The following TESK1 variants were observed in gnomAD, a reference collection of about 807,000 sequenced individuals.
TESK1 encodes the protein dual specificity testis-specific protein kinase 1.
Under a neutral mutation model 59.9 loss-of-function variants are expected in TESK1, and 18 were observed. The observed-to-expected ratio is 0.30, with a 90% CI of 0.21 to 0.45. TESK1 has a LOEUF of 0.45. TESK1 is among the 20% of genes least tolerant of loss of function. The probability of loss-of-function intolerance (pLI) is 1.00; values close to 1 mark genes in which losing one functional copy is unlikely to be tolerated. For synonymous variants in TESK1, 341 were observed against 357.4 expected (o/e 0.95, Z 0.52); for missense variants, 748 against 840.9 (o/e 0.89, Z 1.37).
chr9:35,607,080 A>G lies in TESK1; in HGVS notation c.537+97A>G. On this transcript the variant is annotated intron_variant, in intron 4 of 9. Transcript: ENST00000336395. This position sits in a 1 kb window ranked among gnomAD's most constrained non-coding sequence, Gnocchi z 4.5. ...TTGGAATATGGATAACAGATATATTAGGATGTTGGAGTGGCAAGGCATTGG... is the reference window on the plus strand; with the variant it reads ...TTGGAATATGGATAACAGATATATTGGGATGTTGGAGTGGCAAGGCATTGG... 1.4e-6 allele frequency: 2 copies of G among 1,448,244 alleles called. No homozygotes were observed. Among genetic ancestry groups the G allele is most frequent in the Non-Finnish European group, 1.8e-6 (2 of 1,087,098 alleles). 89.7% of individuals were successfully genotyped at this position (1,448,244 alleles called of 1,614,324 possible).
intron 3 of TESK1, 104 bp downstream of exon 3, chr9:35,606,389 A>G (rs1232445150): frequency 5.8e-6 from 8 of 1,388,494 alleles, no homozygotes; most frequent in Non-Finnish European, 2.0e-6. Context: ...GAGAGGCAAC[A>G]GGATCTCCTC....
chr9:35,607,951 T>C lies in TESK1; in HGVS notation c.735T>C (p.Ile245=). ...AGGCTGATGTCTTTGCCTTCGGGAT[T>C]GTCCTCTGTGAGCTCATCGCCCGAG... ...DEKADVFAFG[I]VLCELIARVP... is the part of the protein sequence containing the mutation. The change falls in exon 7 of 10, where the codon ATT becomes ATC. Residue 245 remains isoleucine, a synonymous_variant. Transcript: ENST00000336395. The surrounding 1 kb of genome is among the most constrained non-coding windows in gnomAD (Gnocchi z 4.5). 1 of 1,614,228 alleles carries C rather than the reference T, an allele frequency of 6.2e-7. No individual in the cohort carries two copies. The highest frequency in any genetic ancestry group is 1.3e-5 in the African/African-American group (1 of 75,060).
At chr9:35,608,106 A>C in intron 7 of TESK1, 54 bp from the exon 8 acceptor site, 1 of 1,610,188 alleles carries the variant, frequency 6.2e-7, no homozygotes, top group Non-Finnish European at 8.5e-7. Context: ...ACTGGGGAGC[A>C]GAAGGAGAAC....
Position 35,606,941 on chromosome 9 carries a change from C to T in TESK1, c.495C>T (p.Tyr165=), listed in dbSNP as rs1218104483. 14 of 1,612,672 alleles carry T rather than the reference C, an allele frequency of 8.7e-6. No individual in the cohort carries two copies. The highest frequency in any genetic ancestry group is 3.3e-5 in the South Asian group (3 of 90,976). The change falls in exon 4 of 10, where the codon TAC becomes TAT. Residue 165 remains tyrosine, a synonymous_variant. Coordinates refer to ENST00000336395, the MANE Select transcript of TESK1 (RefSeq NM_006285.3). ...TGGACATTGCCCGAGGCCTGCGGTA[C>T]CTGCACTCCAAAGGTGTATTTCACC... ...LALDIARGLR[Y]LHSKGVFHRD...
At position 35,608,386 on chromosome 9, in the gene TESK1, A is replaced by C. The variant is rs778371544; in HGVS notation, c.886-9A>C. 1 of 1,613,408 alleles carries C rather than the reference A, an allele frequency of 6.2e-7. No individual in the cohort carries two copies. The highest frequency in any genetic ancestry group is 8.5e-7 in the Non-Finnish European group (1 of 1,179,504). On this transcript the variant is annotated splice_polypyrimidine_tract_variant and intron_variant, in intron 8 of 9. Coordinates refer to ENST00000336395, the MANE Select transcript of TESK1 (RefSeq NM_006285.3). ...ACTGAGTGAAGCCGTTCCTGTCTCT[A>C]CCCATCAGCTGGAACCCAGCACCCG...
rs1234111433 is a variant in TESK1, at chr9:35,609,122, A to C, written c.1261A>C (p.Thr421Pro). ...ATCCACTCAGCTGCCCTTGGTGACC[A>C]CTCCGGAGACCCTGGTCCAGCCTGG... ...FPSTQLPLVT[T>P]PETLVQPGTP... Residue 421 changes from threonine to proline, a missense_variant, in exon 10 of 10, where the codon ACT becomes CCT. Around this residue, in one of 3 missense-constraint regions of TESK1, gnomAD observed 447 missense variants for 466.1 expected, o/e 0.96. Transcript: ENST00000336395. The surrounding 1 kb of genome is among the most constrained non-coding windows in gnomAD (Gnocchi z 6.7). 1.2e-6 allele frequency: 2 copies of C among 1,613,468 alleles called. No homozygotes were observed. Among genetic ancestry groups the C allele is most frequent in the South Asian group, 2.2e-5 (2 of 91,066 alleles).
In TESK1 at chr9:35,607,241, G is replaced by A. The variant is rs878930124; in HGVS notation, c.538-86G>A. 2.0e-6 allele frequency: 3 copies of A among 1,529,886 alleles called. No homozygotes were observed. The highest frequency in any genetic ancestry group is 2.2e-5 in the South Asian group (2 of 89,440). 94.8% of individuals were successfully genotyped at this position (1,529,886 alleles called of 1,614,324 possible). On this transcript the variant is annotated intron_variant, in intron 4 of 9. Coordinates refer to ENST00000336395, the MANE Select transcript of TESK1 (RefSeq NM_006285.3). The surrounding 1 kb of genome is among the most constrained non-coding windows in gnomAD (Gnocchi z 4.5). The stretch of plus-strand genomic sequence containing the variant: ...AGCAGAGAGGGTTGGAGTTATGCTG[G>A]AGTGACAGGGCTTTGGGTTATACAT...
rs1822887919 is a variant in TESK1, at chr9:35,608,219, T to A, written c.855T>A (p.Pro285=). ...TGGTGGGGGATGACTGCCCACTGCC[T>A]TTCTTGCTCCTGGCCATCCACTGCT... The part of the protein sequence containing the change: ...RTLVGDDCPL[P]FLLLAIHCCN... Residue 285 remains proline (P), a synonymous_variant, in exon 8 of 10, where the codon CCT becomes CCA. Transcript: ENST00000336395. 6.2e-7 allele frequency: 1 copy of A among 1,614,076 alleles called. No homozygotes were observed. The highest frequency in any genetic ancestry group is 1.3e-5 in the African/African-American group (1 of 74,926).
In TESK1 at chr9:35,607,919, G is replaced by C. The variant is rs774465807; in HGVS notation, c.712-9G>C. 3 of 1,613,488 alleles carry C rather than the reference G, an allele frequency of 1.9e-6. No homozygotes were observed. Among genetic ancestry groups the C allele is most frequent in the African/African-American group, 2.7e-5 (2 of 74,990 alleles). ...ATTCTTCCCCGACACTATTATCTCT[G>C]ACCCCCAGGCTGATGTCTTTGCCTT... On this transcript the variant is annotated splice_polypyrimidine_tract_variant and intron_variant, in intron 6 of 9. Coordinates refer to ENST00000336395, the MANE Select transcript of TESK1 (RefSeq NM_006285.3). This position sits in a 1 kb window ranked among gnomAD's most constrained non-coding sequence, Gnocchi z 4.5.
In TESK1 at chr9:35,607,288, G is replaced by A; in HGVS notation, c.538-39G>A. 6.8e-6 allele frequency: 11 copies of A among 1,611,372 alleles called. No individual in the cohort carries two copies. The highest frequency in any genetic ancestry group is 1.1e-5 in the South Asian group (1 of 91,040). ...ACATTGGGAGGCCAGACAGCAGAAG[G>A]TGATGAGTGCGTGGGGATACTATGT... is the stretch of plus-strand genomic sequence containing the variant. On this transcript the variant is annotated intron_variant, in intron 4 of 9. Coordinates refer to ENST00000336395, the MANE Select transcript of TESK1 (RefSeq NM_006285.3). The surrounding 1 kb of genome is among the most constrained non-coding windows in gnomAD (Gnocchi z 4.5).
At position 35,609,858 on chromosome 9, in the gene TESK1, T is replaced by A; in HGVS notation, c.*116T>A. On this transcript the variant is annotated 3_prime_UTR_variant, in exon 10 of 10. Transcript: ENST00000336395. This position sits in a 1 kb window ranked among gnomAD's most constrained non-coding sequence, Gnocchi z 6.7. ...ATGGGCTGACCGGCTCTTCTCCCCGTGTAGGGGAGCCCCAGCATGGACTCA... is the reference window on the plus strand; with the variant it reads ...ATGGGCTGACCGGCTCTTCTCCCCGAGTAGGGGAGCCCCAGCATGGACTCA... 2.4e-6 allele frequency: 3 copies of A among 1,247,732 alleles called. No homozygotes were observed. The highest frequency in any genetic ancestry group is 3.2e-6 in the Non-Finnish European group (3 of 930,190). The allele number at this position is 1,247,732 out of a possible 1,614,324, so 77.3% of individuals were successfully genotyped here. A position where few individuals can be genotyped will look rare whatever the true frequency, so the allele number is the denominator to read the frequency against.
Position 35,605,692 on chromosome 9 carries a change from G to A in TESK1, c.73G>A (p.Gly25Arg). 1 of 1,483,488 alleles carries A rather than the reference G, an allele frequency of 6.7e-7. No individual in the cohort carries two copies. Among genetic ancestry groups the A allele is most frequent in the Non-Finnish European group, 8.9e-7 (1 of 1,118,650 alleles). The allele number at this position is 1,483,488 out of a possible 1,614,324, so 91.9% of individuals were successfully genotyped here. ...AGAGGTGCCGGGGGAGGGGCCCCCGGGGCCGGGGGGCACGGGCGGAGGCCC... is the reference window on the plus strand; with the variant it reads ...AGAGGTGCCGGGGGAGGGGCCCCCGAGGCCGGGGGGCACGGGCGGAGGCCC... ...PGEVPGEGPP[G>R]PGGTGGGPGR... Residue 25 changes from glycine (G) to arginine (R), a missense_variant, in exon 1 of 10, where the codon GGG (glycine) becomes AGG (arginine). Coordinates refer to ENST00000336395, the MANE Select transcript of TESK1 (RefSeq NM_006285.3).
In TESK1 at chr9:35,605,781, G is replaced by T. The variant is rs1822834055; in HGVS notation, c.162G>T (p.Val54=). 1 of 1,611,066 alleles carries T rather than the reference G, an allele frequency of 6.2e-7. No individual in the cohort carries two copies. The highest frequency in any genetic ancestry group is 1.3e-5 in the African/African-American group (1 of 74,824). Residue 54 remains valine (V), a synonymous_variant, in exon 1 of 10, where the codon GTG becomes GTT. Transcript: ENST00000336395. ...LRSAVSSLAR[V]DDFHCAEKIG... The stretch of plus-strand genomic sequence containing the variant: ...GCGCCGTGTCTAGCCTGGCGCGTGT[G>T]GACGATTTTCACTGCGCGGAGAAGA...
In TESK1 at chr9:35,605,581, C is replaced by T. The variant is rs1164970377; in HGVS notation, c.-39C>T. On this transcript the variant is annotated 5_prime_UTR_variant, in exon 1 of 10. Transcript: ENST00000336395. ...GCGCGGCCTGCCCGGGCCCTGGGGA[C>T]CCTGCCATGTGAGGCAGGCCCGGGC... 5.7e-6 allele frequency: 4 copies of T among 696,812 alleles called. No individual in the cohort carries two copies. Among genetic ancestry groups the T allele is most frequent in the Non-Finnish European group, 7.7e-6 (4 of 517,996 alleles). 43.2% of individuals were successfully genotyped at this position (696,812 alleles called of 1,614,324 possible).
chr9:35,606,658 G>A (rs1303738531), intron 3 of TESK1, among the ~76,000 whole-genome samples, 179 bp from the exon 4 acceptor site: 2 of 152,096 alleles, frequency 1.3e-5, no homozygotes, highest in Non-Finnish European at 2.9e-5. Flanking sequence ...TGTTGCACAT[G>A]GCTAATGGCT....
intron 7 of TESK1, 25 bp downstream of exon 7, chr9:35,608,036 A>T: frequency 6.2e-7 from 1 of 1,613,612 alleles, no homozygotes. Flanking sequence ...GTTTGCAAAG[A>T]AAGAATTCCA....
In TESK1 at chr9:35,609,410, A is replaced by G; in HGVS notation, c.1549A>G (p.Asn517Asp). 6.2e-7 allele frequency: 1 copy of G among 1,608,820 alleles called. No homozygotes were observed. Among genetic ancestry groups the G allele is most frequent in the Non-Finnish European group, 8.5e-7 (1 of 1,177,226 alleles). ...SPRSGPVLNN[N>D]PPAVVVNSPQ... ...TAGATCAGGACCCGTCCTCAATAAC[A>G]ATCCCCCAGCTGTGGTGGTGAACTC... is the stretch of plus-strand genomic sequence containing the variant. Residue 517 changes from asparagine to aspartate, a missense_variant, in exon 10 of 10, where the codon AAT becomes GAT. Physicochemically the swap from Asn to Asp is conservative, Grantham distance 23. Coordinates refer to ENST00000336395, the MANE Select transcript of TESK1 (RefSeq NM_006285.3). The surrounding 1 kb of genome is among the most constrained non-coding windows in gnomAD (Gnocchi z 6.7).
Position 35,607,876 on chromosome 9 carries a change from C to G in TESK1, c.712-52C>G, listed in dbSNP as rs1305273047. The G allele has an allele frequency of 6.3e-7, 1 of 1,596,924 alleles. No individual in the cohort carries two copies. The highest frequency in any genetic ancestry group is 2.2e-5 in the East Asian group (1 of 44,796). On this transcript the variant is annotated intron_variant, in intron 6 of 9. Coordinates refer to ENST00000336395, the MANE Select transcript of TESK1 (RefSeq NM_006285.3). The surrounding 1 kb of genome is among the most constrained non-coding windows in gnomAD (Gnocchi z 4.5). Reference sequence around the variant, plus strand: ...AATTCTGCTATATTCTGTCAAAATTCTGAAATGAAAACTGTTAATTCTTCC... The same window carrying G: ...AATTCTGCTATATTCTGTCAAAATTGTGAAATGAAAACTGTTAATTCTTCC...
chr9:35,609,882 C>A lies in TESK1; in HGVS notation c.*140C>A. ...GTGTAGGGGAGCCCCAGCATGGACT[C>A]AAGGGACAGAGCACTTCCAGTCGAC... On this transcript the variant is annotated 3_prime_UTR_variant, in exon 10 of 10. Transcript: ENST00000336395. This position sits in a 1 kb window ranked among gnomAD's most constrained non-coding sequence, Gnocchi z 6.7. The A allele has an allele frequency of 9.4e-7, 1 of 1,065,534 alleles. No individual in the cohort carries two copies. 66.0% of individuals were successfully genotyped at this position (1,065,534 alleles called of 1,614,324 possible). A position where few individuals can be genotyped will look rare whatever the true frequency, so the allele number is the denominator to read the frequency against.
Sources: allele counts gnomAD v4.1 joint callset (sites outside exome capture counted in the v4.1 genomes callset), GRCh38; gene constraint gnomAD v4.1.1; regional missense constraint gnomAD v4.1.1; non-coding constraint Gnocchi (gnomAD v3.1); transcripts MANE v1.5; gene names NCBI Gene and HGNC (gene_info 2026-07-23, HGNC 2026-07-21).